Variants in PCDH15 observed in about 807,000 individuals in gnomAD.
PCDH15 encodes protocadherin-15.
In PCDH15, 129 loss-of-function variants were observed where a neutral mutation model predicts 178.5. That is an observed-to-expected ratio of 0.72 (90% CI 0.63 to 0.84). The LOEUF (loss-of-function observed/expected upper bound fraction) is 0.84. Among genes scored for constraint, PCDH15 ranks in the 40% least tolerant of loss-of-function variants. The probability of loss-of-function intolerance (pLI) is 0.00; values close to 1 mark genes in which losing one functional copy is unlikely to be tolerated. For synonymous variants in PCDH15, 800 were observed against 732.0 expected, an observed-to-expected ratio of 1.09 and a Z score of -1.50; for missense variants, 2,230 against 2,099.9, an observed-to-expected ratio of 1.06 and a Z score of -1.21.
chr10:54,007,628 G>T (rs775250007), intron 20 of PCDH15, among the ~76,000 whole-genome samples: 49 of 152,140 alleles, frequency 3.2e-4, no homozygotes, highest in Non-Finnish European at 6.8e-4. Flanking sequence ...GCTGTGTGCA[G>T]ATGTCTTGAT....
intron 13 of PCDH15, among the ~76,000 whole-genome samples, chr10:54,158,581 T>C (rs1207348978): frequency 6.6e-6 from 1 of 152,188 alleles, no homozygotes; most frequent in Admixed American, 6.5e-5. Flanking sequence ...GGCTGCAGTT[T>C]ACTACTCTCT....
At chr10:54,867,965 G>A (rs1029385195) in intron 3 of PCDH15, among the ~76,000 whole-genome samples, 22 of 152,078 alleles carry the variant, frequency 1.4e-4, no homozygotes, top group African/African-American at 5.3e-4. Flanking sequence ...GACCTTTAAT[G>A]TTCTCACCAC....
At chr10:55,598,773 G>T (rs1479718641) in intron 2 of PCDH15, among the ~76,000 whole-genome samples, 1 of 151,686 alleles carries the variant, frequency 6.6e-6, no homozygotes, top group Non-Finnish European at 1.5e-5. Context: ...TTCAAGTAGT[G>T]CTCTAGAAAT....
At chr10:54,829,831 T>C (rs1953193848) in intron 3 of PCDH15, among the ~76,000 whole-genome samples, 1 of 152,168 alleles carries the variant, frequency 6.6e-6, no homozygotes, top group African/African-American at 2.4e-5. Flanking sequence ...TTCTAAATGA[T>C]ATGCACACTA....
At chr10:55,266,705 A>T (rs555864036) in intron 1 of PCDH15, among the ~76,000 whole-genome samples, 242 of 152,240 alleles carry the variant, frequency 1.6e-3, no homozygotes, top group African/African-American at 5.6e-3. Flanking sequence ...ACTGGCAGAA[A>T]AGCACACTGA....
In PCDH15 at chr10:53,804,356, C is replaced by CAT. The variant is rs2132342900; in HGVS notation, c.*2221_*2222dup. 1 of 152,068 alleles carries CAT rather than the reference C, an allele frequency of 6.6e-6. No individual in the cohort carries two copies. Among genetic ancestry groups the CAT allele is most frequent in the South Asian group, 2.1e-4 (1 of 4,826 alleles). The allele number at this position is 152,068 out of a possible 1,614,324, so 9.4% of individuals were successfully genotyped here. ...CAGGCCACTAGACTTCTGCCAACATCATATTTCCAAATCTACTGGTAACCA... is the reference window on the plus strand; with the variant it reads ...CAGGCCACTAGACTTCTGCCAACATCATATATTTCCAAATCTACTGGTAACCA... On this transcript the variant is annotated 3_prime_UTR_variant, in exon 38 of 38. Transcript: ENST00000644397.
chr10:54,783,647 T>C (rs1041902454), intron 1 of PCDH15, among the ~76,000 whole-genome samples: 1 of 152,200 alleles, frequency 6.6e-6, no homozygotes, highest in South Asian at 2.1e-4. Flanking sequence ...ATTAAAGATT[T>C]CCTAGTAGAT....
chr10:54,364,765 C>T (rs761164548), intron 5 of PCDH15, among the ~76,000 whole-genome samples: 6 of 152,116 alleles, frequency 3.9e-5, no homozygotes, highest in Non-Finnish European at 5.9e-5. Flanking sequence ...ATAGCTCTCA[C>T]CAAGCTAAAA....
At chr10:55,352,147 T>C (rs960234300) in intron 2 of PCDH15, among the ~76,000 whole-genome samples, 4 of 152,184 alleles carry the variant, frequency 2.6e-5, no homozygotes, top group Non-Finnish European at 5.9e-5. Context: ...TGTTGAAATT[T>C]ACCATTTGAT....
At chr10:55,589,709 A>G (rs1156883967) in intron 2 of PCDH15, among the ~76,000 whole-genome samples, 4 of 151,522 alleles carry the variant, frequency 2.6e-5, no homozygotes, top group African/African-American at 9.7e-5. Flanking sequence ...AACACATGAA[A>G]AAATGCTCAT....
At chr10:55,176,889 G>A (rs1176697395) in intron 1 of PCDH15, among the ~76,000 whole-genome samples, 1 of 152,096 alleles carries the variant, frequency 6.6e-6, no homozygotes, top group Non-Finnish European at 1.5e-5. Context: ...CAGAGATTCT[G>A]AGACAGGCCC....
chr10:54,143,812 C>A (rs747970613), intron 14 of PCDH15, among the ~76,000 whole-genome samples: 1 of 151,982 alleles, frequency 6.6e-6, no homozygotes, highest in Non-Finnish European at 1.5e-5. Context: ...CTATTTTCTC[C>A]GGAATTATAT....
At chr10:54,773,767 C>T (rs1949360760) in intron 1 of PCDH15, among the ~76,000 whole-genome samples, 1 of 151,976 alleles carries the variant, frequency 6.6e-6, no homozygotes, top group Admixed American at 6.6e-5. Flanking sequence ...TGATTTTTTT[C>T]TAGCTGTTTT....
At chr10:54,707,044 T>C (rs2095372156) in intron 1 of PCDH15, among the ~76,000 whole-genome samples, 2 of 152,188 alleles carry the variant, frequency 1.3e-5, no homozygotes, top group South Asian at 4.1e-4. Flanking sequence ...GGTTTACACA[T>C]GTTAATAGTA....
chr10:54,853,303 A>ATT (rs1434577927), intron 3 of PCDH15, among the ~76,000 whole-genome samples: 1,570 of 122,100 alleles, frequency 0.013, 34 homozygotes, highest in Non-Finnish European at 0.018. Context: ...ATATATATAT[A>ATT]TATATATATA....
At chr10:54,517,019 T>C (rs543832753) in intron 3 of PCDH15, among the ~76,000 whole-genome samples, 1 of 152,050 alleles carries the variant, frequency 6.6e-6, no homozygotes, top group Non-Finnish European at 1.5e-5. Context: ...CTGAGAGATT[T>C]TGTCACCACC....
chr10:55,472,994 C>T (rs1209923898), intron 2 of PCDH15, among the ~76,000 whole-genome samples: 3 of 152,062 alleles, frequency 2.0e-5, no homozygotes, highest in African/African-American at 7.2e-5. Context: ...ATGTACCCTG[C>T]TAATAATTTT....
At chr10:54,350,221 T>C (rs1943948060) in intron 5 of PCDH15, among the ~76,000 whole-genome samples, 1 of 152,220 alleles carries the variant, frequency 6.6e-6, no homozygotes, top group Admixed American at 6.5e-5. Flanking sequence ...GCTGTCTTTC[T>C]TGACAATTTC....
At chr10:54,164,810 A>G (rs886631598) in intron 13 of PCDH15, among the ~76,000 whole-genome samples, 1 of 152,172 alleles carries the variant, frequency 6.6e-6, no homozygotes, top group Non-Finnish European at 1.5e-5. Context: ...AAGTCATAAG[A>G]TATTATATCT....
Sources: gnomAD v4.1 joint callset for allele counts (sites outside exome capture counted in the v4.1 genomes callset) on GRCh38, gnomAD v4.1.1 for gene constraint, MANE v1.5 for transcripts, NCBI Gene and HGNC (gene_info 2026-07-23, HGNC 2026-07-21) for gene names.